IFFO1: variants seen among roughly 807,000 people sequenced by gnomAD.
IFFO1 encodes the protein non-homologous end joining factor IFFO1.
Under a neutral mutation model 59.6 loss-of-function variants are expected in IFFO1, and 42 were observed. That is an observed-to-expected ratio of 0.70 (90% CI 0.55 to 0.91). The LOEUF (loss-of-function observed/expected upper bound fraction) is 0.91, where lower values mean the gene tolerates loss of function less well. Ranked by LOEUF, IFFO1 falls within the 40% of genes least tolerant of loss-of-function variation. The probability of loss-of-function intolerance (pLI) is 0.00; values close to 1 mark genes in which losing one functional copy is unlikely to be tolerated. For missense variants in IFFO1, 711 were observed against 793.2 expected, an observed-to-expected ratio of 0.90 and a Z score of 1.24; for synonymous variants, 336 against 342.8, an observed-to-expected ratio of 0.98 and a Z score of 0.22.
At position 6,548,486 on chromosome 12, in the gene IFFO1, G is replaced by A. The variant is rs1363121895; in HGVS notation, c.1322C>T (p.Thr441Ile). 1 of 1,613,792 alleles carries A rather than the reference G, an allele frequency of 6.2e-7. No homozygotes were observed. The highest frequency in any genetic ancestry group is 8.5e-7 in the Non-Finnish European group (1 of 1,179,888). Residue 441 changes from threonine (T) to isoleucine (I), a missense_variant, in exon 7 of 10, where the codon ACC becomes ATC. Transcript: ENST00000619571. This position sits in a 1 kb window ranked among gnomAD's most constrained non-coding sequence, Gnocchi z 6.1. ...DSLTWEETEE[T>I]LLLWEDFSGY... The stretch of plus-strand genomic sequence containing the variant: ...TGAGAAATCCTCCCAAAGCAGCAGG[G>A]TCTCCTCAGTCTCCTCCCAAGTCAG...
intron 1 of IFFO1, among the ~76,000 whole-genome samples, chr12:6,553,539 G>A (rs1158925257): frequency 6.6e-6 from 1 of 152,098 alleles, no homozygotes; most frequent in Non-Finnish European, 1.5e-5. Flanking sequence ...CACGAGGACA[G>A]GACTCAAGCT....
intron 2 of IFFO1, 56 bp downstream of exon 2, chr12:6,550,885 T>C (rs1947203670): frequency 1.9e-6 from 3 of 1,607,564 alleles, no homozygotes; most frequent in Non-Finnish European, 2.6e-6. Flanking sequence ...AGCAGGGTCA[T>C]GGGCAGACAG....
rs375834908 is a variant in IFFO1, at chr12:6,549,888, C to T, written c.939G>A (p.Ser313=). The T allele has an allele frequency of 2.0e-5, 33 of 1,613,646 alleles. No homozygotes were observed. The highest frequency in any genetic ancestry group is 1.7e-4 in the African/African-American group (13 of 74,930). Residue 313 remains serine, a synonymous_variant, in exon 4 of 10, where the codon TCG becomes TCA. Transcript: ENST00000619571. This position sits in a 1 kb window ranked among gnomAD's most constrained non-coding sequence, Gnocchi z 5.0. ...TCTCCTGGATCTTGGTGTCCAGCTCCGACAGGTTCTGTCCAGGGAGCCCAG... is the reference window on the plus strand; with the variant it reads ...TCTCCTGGATCTTGGTGTCCAGCTCTGACAGGTTCTGTCCAGGGAGCCCAG... The part of the protein sequence containing the change: ...VFKGLMSNNL[S]ELDTKIQEKA...
At chr12:6,544,298 C>T (rs1946854709) in intron 8 of IFFO1, among the ~76,000 whole-genome samples, 1 of 151,814 alleles carries the variant, frequency 6.6e-6, no homozygotes. Flanking sequence ...TCCCAAGTAG[C>T]TGGGATTACA....
Position 6,549,844 on chromosome 12 carries a change from A to G in IFFO1, c.983T>C (p.Met328Thr). Reference sequence around the variant, plus strand: ...GATGTCGATGCGGCGGCAGATGTCCATATCCACCTTCATGGCTTTCTCCTG... The same window carrying G: ...GATGTCGATGCGGCGGCAGATGTCCGTATCCACCTTCATGGCTTTCTCCTG... ...KIQEKAMKVD[M>T]DICRRIDITA... The change falls in exon 4 of 10, where the codon ATG becomes ACG. Residue 328 changes from methionine (M) to threonine (T), a missense_variant. Transcript: ENST00000619571. The surrounding 1 kb of genome is among the most constrained non-coding windows in gnomAD (Gnocchi z 5.0). 6.2e-7 allele frequency: 1 copy of G among 1,614,202 alleles called. No homozygotes were observed. Among genetic ancestry groups the G allele is most frequent in the Non-Finnish European group, 8.5e-7 (1 of 1,180,016 alleles).
chr12:6,553,028 G>A (rs7135333), intron 1 of IFFO1, among the ~76,000 whole-genome samples: 14,551 of 152,114 alleles, frequency 0.096, 2,256 homozygotes, highest in African/African-American at 0.32. Flanking sequence ...AAAAGGTCAC[G>A]CACAAGGCAG....
At chr12:6,542,716 C>A (rs1946775985) in intron 8 of IFFO1, among the ~76,000 whole-genome samples, 1 of 152,108 alleles carries the variant, frequency 6.6e-6, no homozygotes, top group Non-Finnish European at 1.5e-5. Flanking sequence ...ACAGCTGGGG[C>A]CCCACAGTAG....
Position 6,550,788 on chromosome 12 carries a change from T to C in IFFO1, c.837A>G (p.Glu279=), listed in dbSNP as rs1947198209. 3.1e-6 allele frequency: 5 copies of C among 1,613,994 alleles called. No individual in the cohort carries two copies. Among genetic ancestry groups the C allele is most frequent in the Non-Finnish European group, 4.2e-6 (5 of 1,179,910 alleles). Residue 279 remains glutamate, a splice_region_variant and synonymous_variant, in exon 3 of 10, where the codon GAA becomes GAG. Coordinates refer to ENST00000619571, the MANE Select transcript of IFFO1 (RefSeq NM_001193457.2). ...CCTGGCAGGCATCAGCCTCCTGGGC[T>C]TCCTGCAGTTGGGAGAAACCCTGAT... ...LQDRVNELQE[E]AQEADACQEE... is the part of the protein sequence containing the mutation.
intron 3 of IFFO1, chr12:6,550,412 A>G: frequency 1.9e-6 from 1 of 519,758 alleles, no homozygotes; most frequent in Non-Finnish European, 3.5e-6. Flanking sequence ...GAATCGGCCC[A>G]GCGCCCCGGC....
intron 8 of IFFO1, among the ~76,000 whole-genome samples, chr12:6,546,650 ATT>A (rs368748338): frequency 1.3e-5 from 2 of 148,426 alleles, no homozygotes; most frequent in Non-Finnish European, 1.5e-5. Context: ...CGGCCAGCTA[ATT>A]TTTTTTTTTT....
intron 3 of IFFO1, chr12:6,550,376 C>T (rs1947179713): frequency 2.1e-6 from 1 of 472,082 alleles, no homozygotes; most frequent in Non-Finnish European, 3.8e-6. Flanking sequence ...TTTCCCCACG[C>T]CAAAGGTGAG....
At position 6,548,551 on chromosome 12, in the gene IFFO1, G is replaced by A. The variant is rs765620773; in HGVS notation, c.1263-6C>T. The A allele has an allele frequency of 6.2e-7, 1 of 1,613,736 alleles. No homozygotes were observed. The highest frequency in any genetic ancestry group is 1.1e-5 in the South Asian group (1 of 91,048). On this transcript the variant is annotated splice_polypyrimidine_tract_variant and splice_region_variant and intron_variant, in intron 6 of 9. Transcript: ENST00000619571. This position sits in a 1 kb window ranked among gnomAD's most constrained non-coding sequence, Gnocchi z 6.1. ...CCTCAAAATCATACTCCCTCCTAGA[G>A]ACAGGGAACCCGGGTGTCAGGGCGG...
Position 6,548,337 on chromosome 12 carries a change from G to A in IFFO1, c.1383+88C>T, listed in dbSNP as rs1188916670. The A allele has an allele frequency of 1.3e-6, 2 of 1,486,584 alleles. No homozygotes were observed. Among genetic ancestry groups the A allele is most frequent in the Non-Finnish European group, 1.8e-6 (2 of 1,084,708 alleles). 92.1% of individuals were successfully genotyped at this position (1,486,584 alleles called of 1,614,324 possible). ...CAGGTAGAGGATGACAGCCACATGGGGGGACAGAGCAAGGAGAGGAGCGGG... is the reference window on the plus strand; with the variant it reads ...CAGGTAGAGGATGACAGCCACATGGAGGGACAGAGCAAGGAGAGGAGCGGG... On this transcript the variant is annotated intron_variant, in intron 7 of 9. Coordinates refer to ENST00000619571, the MANE Select transcript of IFFO1 (RefSeq NM_001193457.2). This position sits in a 1 kb window ranked among gnomAD's most constrained non-coding sequence, Gnocchi z 6.1.
rs1049774536 is a variant in IFFO1, at chr12:6,540,200, C to T, written c.*283G>A. On this transcript the variant is annotated 3_prime_UTR_variant, in exon 10 of 10. Transcript: ENST00000619571. ...TGAGGGGCCGCAATCGCTCTGGCAG[C>T]ATTTTAAAGATGGGGAAGTAGCAGA... The T allele has an allele frequency of 1.9e-6, 1 of 528,536 alleles. No homozygotes were observed. Among genetic ancestry groups the T allele is most frequent in the East Asian group, 3.4e-5 (1 of 29,648 alleles). The allele number at this position is 528,536 out of a possible 1,614,324, so 32.7% of individuals were successfully genotyped here.
In IFFO1 at chr12:6,546,052, AAAG is replaced by A. The variant is rs1234187106; in HGVS notation, c.1479+2010_1479+2012del. On this transcript the variant is annotated intron_variant, in intron 8 of 9. Transcript: ENST00000619571. Reference sequence around the variant, plus strand: ...ATGAATCTTCTATCCGTGAAATTGTAAAGAAGGAAAAAGAAATTTGTGCCAGTT... The same window carrying A: ...ATGAATCTTCTATCCGTGAAATTGTAAAGGAAAAAGAAATTTGTGCCAGTT... 3.3e-5 allele frequency among the ~76,000 whole-genome samples: 5 copies of A among 152,256 alleles called. No homozygotes were observed. In the East Asian group the frequency reaches 7.7e-4, roughly 23 times the overall value.
chr12:6,554,029 T>G (rs556880256), intron 1 of IFFO1, among the ~76,000 whole-genome samples: 16 of 152,072 alleles, frequency 1.1e-4, no homozygotes, highest in African/African-American at 3.6e-4. Context: ...TACCAGTGTT[T>G]ACGAAATCCT....
At position 6,548,197 on chromosome 12, in the gene IFFO1, G is replaced by T; in HGVS notation, c.1384-37C>A. 1 of 1,557,740 alleles carries T rather than the reference G, an allele frequency of 6.4e-7. No homozygotes were observed. The highest frequency in any genetic ancestry group is 8.9e-7 in the Non-Finnish European group (1 of 1,128,798). ...AGGGAAGCGGGGGAGGCCAGCCAAG[G>T]AGGGATGGGATGGGACGCATTCCAA... On this transcript the variant is annotated intron_variant, in intron 7 of 9. Coordinates refer to ENST00000619571, the MANE Select transcript of IFFO1 (RefSeq NM_001193457.2). The surrounding 1 kb of genome is among the most constrained non-coding windows in gnomAD (Gnocchi z 6.1).
rs149914060 is a variant in IFFO1, at chr12:6,541,013, T to C, written c.1611-425A>G. Among the ~76,000 whole-genome samples, 3,333 of 113,138 alleles carry C rather than the reference T, an allele frequency of 0.029. 106 individuals carry two copies. Among genetic ancestry groups the C allele is most frequent in the East Asian group, 0.13 (562 of 4,368 alleles). 74.2% of individuals were successfully genotyped at this position (113,138 alleles called of 152,430 possible). A position where few individuals can be genotyped will look rare whatever the true frequency, so the allele number is the denominator to read the frequency against. ...ACTTGAACCTGGGAGGCGGAGGTTG[T>C]AGTGAGCCAAAAAAAAAAAAAAAAG... On this transcript the variant is annotated intron_variant, in intron 9 of 9. Transcript: ENST00000619571. The surrounding 1 kb of genome is among the most constrained non-coding windows in gnomAD (Gnocchi z 4.8).
chr12:6,547,939 G>C, intron 8 of IFFO1, 126 bp downstream of exon 8: 1 of 741,802 alleles, frequency 1.3e-6, no homozygotes, highest in South Asian at 1.5e-5. Context: ...CTATAGCTGA[G>C]AGATCACTCC....
Sources: allele counts gnomAD v4.1 joint callset (sites outside exome capture counted in the v4.1 genomes callset), GRCh38; gene constraint gnomAD v4.1.1; non-coding constraint Gnocchi (gnomAD v3.1); transcripts MANE v1.5; gene names NCBI Gene and HGNC (gene_info 2026-07-23, HGNC 2026-07-21).